The following LIPI variants were observed in gnomAD, a reference collection of about 807,000 sequenced individuals.
The protein encoded by LIPI is lipase member I.
In LIPI, 59 loss-of-function variants were observed where a neutral mutation model predicts 50.6. The observed-to-expected ratio is 1.16, with a 90% CI of 0.94 to 1.45. The LOEUF is 1.45. Among genes scored for constraint, LIPI ranks in the 40% most tolerant of loss-of-function variants. LIPI has a pLI of 0.00. For missense variants in LIPI, 586 were observed against 536.3 expected (o/e 1.09, Z -0.92); for synonymous variants, 203 against 178.2 (o/e 1.14, Z -1.11).
intron 7 of LIPI, among the ~76,000 whole-genome samples, chr21:14,163,005 A>C (rs1016384689): frequency 1.3e-5 from 2 of 151,198 alleles, no homozygotes; most frequent in African/African-American, 4.8e-5. Flanking sequence ...CCTAACTCTA[A>C]ATGTATTATG....
chr21:14,162,484 A>G (rs1178314776), intron 7 of LIPI, among the ~76,000 whole-genome samples: 1 of 151,860 alleles, frequency 6.6e-6, no homozygotes, highest in East Asian at 1.9e-4. Flanking sequence ...AATCTGATTA[A>G]GATGGGTGCA....
At position 14,163,514 on chromosome 21, in the gene LIPI, G is replaced by T. The variant is rs200499982; in HGVS notation, c.911C>A (p.Ala304Asp). The T allele has an allele frequency of 3.3e-6, 5 of 1,520,440 alleles. No homozygotes were observed. The highest frequency in any genetic ancestry group is 4.6e-6 in the Non-Finnish European group (5 of 1,095,194). 94.2% of individuals were successfully genotyped at this position (1,520,440 alleles called of 1,614,324 possible). ...TTTTAAAACACCTTTAAATAGCTTG[G>T]CTTGATAACCTGAGATTTGAGAAAT... Reference protein sequence around the residue: ...EKSCPRLGYQAKLFKGVLKER... With the variant: ...EKSCPRLGYQDKLFKGVLKER... Residue 304 changes from alanine to aspartate, a missense_variant, in exon 7 of 10, where the codon GCC becomes GAC. Physicochemically the swap from Ala to Asp is moderately radical, Grantham distance 126. Coordinates refer to ENST00000681601, the MANE Select transcript of LIPI (RefSeq NM_001302998.2).
At chr21:14,142,528 G>A (rs930375295) in intron 9 of LIPI, among the ~76,000 whole-genome samples, 40 of 150,548 alleles carry the variant, frequency 2.7e-4, no homozygotes, top group African/African-American at 8.7e-4. Flanking sequence ...CTGTTGCTCA[G>A]GCTGGAGTGC....
At chr21:14,120,169 T>A (rs987753229) in intron 9 of LIPI, among the ~76,000 whole-genome samples, 3 of 152,184 alleles carry the variant, frequency 2.0e-5, no homozygotes, top group Non-Finnish European at 2.9e-5. Context: ...GGATCAACCC[T>A]TAAAAGACCC....
chr21:14,145,988 T>G (rs2123066855), intron 8 of LIPI, among the ~76,000 whole-genome samples: 1 of 152,286 alleles, frequency 6.6e-6, no homozygotes, highest in Non-Finnish European at 1.5e-5. Context: ...TGTCATTAGA[T>G]ATATCACTAA....
intron 9 of LIPI, among the ~76,000 whole-genome samples, chr21:14,124,208 T>C (rs2016967320): frequency 6.6e-6 from 1 of 152,028 alleles, no homozygotes; most frequent in Admixed American, 6.6e-5. Flanking sequence ...GCTACAAAAA[T>C]ACCAACCGAT....
At chr21:14,119,825 C>G (rs748153904) in intron 9 of LIPI, among the ~76,000 whole-genome samples, 174 of 152,206 alleles carry the variant, frequency 1.1e-3, no homozygotes, top group Admixed American at 2.0e-3. Context: ...GGATGGCCAC[C>G]CTGTTTCAAG....
intron 4 of LIPI, among the ~76,000 whole-genome samples, chr21:14,170,827 C>T (rs2018870889): frequency 1.3e-5 from 2 of 151,356 alleles, no homozygotes; most frequent in South Asian, 2.1e-4. Context: ...CCCTCTCTCA[C>T]CACTCCTATT....
At chr21:14,179,189 G>C (rs2019188083) in intron 4 of LIPI, among the ~76,000 whole-genome samples, 1 of 151,772 alleles carries the variant, frequency 6.6e-6, no homozygotes, top group South Asian at 2.1e-4. Context: ...AATTTGAAAG[G>C]CCACATGGCT....
intron 4 of LIPI, among the ~76,000 whole-genome samples, chr21:14,172,290 A>T (rs1447504571): frequency 6.6e-6 from 1 of 152,144 alleles, no homozygotes; most frequent in Non-Finnish European, 1.5e-5. Flanking sequence ...TAGTTCAACC[A>T]TTGTGGAAGT....
chr21:14,139,565 A>G (rs546676621), intron 9 of LIPI, among the ~76,000 whole-genome samples: 1 of 152,262 alleles, frequency 6.6e-6, no homozygotes, highest in East Asian at 1.9e-4. Context: ...TAGACTCAAC[A>G]TCCTCAAGAA....
chr21:14,122,181 A>G (rs761695001), intron 9 of LIPI, among the ~76,000 whole-genome samples: 1 of 152,314 alleles, frequency 6.6e-6, no homozygotes, highest in South Asian at 2.1e-4. Context: ...TGTCATCATT[A>G]TATGATAGAA....
chr21:14,162,289 A>C (rs2018525931), intron 7 of LIPI, among the ~76,000 whole-genome samples: 1 of 151,482 alleles, frequency 6.6e-6, no homozygotes, highest in Admixed American at 6.6e-5. Flanking sequence ...AAAGTTCTAG[A>C]AATGTGTGAA....
At chr21:14,184,159 A>G (rs1332423206) in intron 3 of LIPI, among the ~76,000 whole-genome samples, 1 of 152,250 alleles carries the variant, frequency 6.6e-6, no homozygotes, top group Non-Finnish European at 1.5e-5. Context: ...AAAAAGGATG[A>G]GTTCATGTCC....
At chr21:14,154,639 G>A (rs1048416567) in intron 7 of LIPI, among the ~76,000 whole-genome samples, 13 of 151,966 alleles carry the variant, frequency 8.6e-5, no homozygotes, top group African/African-American at 3.1e-4. Context: ...AAGATTCTAA[G>A]GCTCTCTGAG....
chr21:14,178,996 G>C (rs984134989), intron 4 of LIPI, among the ~76,000 whole-genome samples: 1 of 152,050 alleles, frequency 6.6e-6, no homozygotes, highest in Admixed American at 6.6e-5. Flanking sequence ...CCATAAGAAG[G>C]CTGATTTGTT....
intron 9 of LIPI, among the ~76,000 whole-genome samples, chr21:14,141,204 G>C (rs143103585): frequency 1.3e-4 from 20 of 152,056 alleles, no homozygotes; most frequent in Middle Eastern, 3.4e-3. Flanking sequence ...TTCTTCTGCT[G>C]TGTCTCCTCT....
chr21:14,152,745 T>C, intron 7 of LIPI, 61 bp from the exon 8 acceptor site: 1 of 758,332 alleles, frequency 1.3e-6, no homozygotes, highest in East Asian at 2.7e-5. Flanking sequence ...TTTTGGTACA[T>C]ATTCAGATAT....
intron 1 of LIPI, among the ~76,000 whole-genome samples, chr21:14,203,342 C>G (rs1373689464): frequency 4.6e-5 from 7 of 152,112 alleles, no homozygotes; most frequent in East Asian, 1.9e-4. Flanking sequence ...GGGTATATAC[C>G]CAAAGGATTA....
Sources: gnomAD v4.1 joint callset for allele counts (sites outside exome capture counted in the v4.1 genomes callset) on GRCh38, gnomAD v4.1.1 for gene constraint, MANE v1.5 for transcripts, NCBI Gene and HGNC (gene_info 2026-07-23, HGNC 2026-07-21) for gene names.